PRR12: variants seen among roughly 807,000 people sequenced by gnomAD.
PRR12 encodes proline-rich protein 12.
PRR12 carries 12 observed loss-of-function variants against 138.0 expected under a neutral mutation model. That is an observed-to-expected ratio of 0.09 (90% CI 0.06 to 0.14). The LOEUF (loss-of-function observed/expected upper bound fraction) is 0.14, where lower values mean the gene tolerates loss of function less well. PRR12 is among the 10% of genes least tolerant of loss of function. PRR12 has a pLI of 1.00. For missense variants in PRR12, 2,692 were observed against 2,861.3 expected (o/e 0.94, Z 1.35); for synonymous variants, 1,567 against 1,291.7 (o/e 1.21, Z -4.57).
At position 49,614,702 on chromosome 19, in the gene PRR12, G is replaced by A; in HGVS notation, c.4890+53G>A. 3 of 1,505,030 alleles carry A rather than the reference G, an allele frequency of 2.0e-6. No homozygotes were observed. Among genetic ancestry groups the A allele is most frequent in the South Asian group, 1.2e-5 (1 of 81,802 alleles). 93.2% of individuals were successfully genotyped at this position (1,505,030 alleles called of 1,614,324 possible). A position where few individuals can be genotyped will look rare whatever the true frequency, so the allele number is the denominator to read the frequency against. The stretch of plus-strand genomic sequence containing the variant: ...TGGGGGCCCCGGGGCGTGGTATCTA[G>A]GAGCTGGGGTTCCCCTTAGTGTGGC... On this transcript the variant is annotated intron_variant, in intron 7 of 13. Transcript: ENST00000418929. The surrounding 1 kb of genome is among the most constrained non-coding windows in gnomAD (Gnocchi z 5.0).
Position 49,625,060 on chromosome 19 carries a change from C to T in PRR12, c.5869-45C>T, listed in dbSNP as rs769807464. The T allele has an allele frequency of 5.0e-6, 8 of 1,612,060 alleles. No homozygotes were observed. In the South Asian group the frequency reaches 8.8e-5, roughly 18 times the overall value. On this transcript the variant is annotated intron_variant, in intron 12 of 13. Coordinates refer to ENST00000418929, the MANE Select transcript of PRR12 (RefSeq NM_020719.3). The surrounding 1 kb of genome is among the most constrained non-coding windows in gnomAD (Gnocchi z 5.5). ...TGTGGGAAGGGAGGAGAGGGGCTGCCAAGTGCCGGGCTGGAGGGGCTGAGG... is the reference window on the plus strand; with the variant it reads ...TGTGGGAAGGGAGGAGAGGGGCTGCTAAGTGCCGGGCTGGAGGGGCTGAGG...
At chr19:49,609,159 C>G (rs951653782) in intron 6 of PRR12, among the ~76,000 whole-genome samples, 2 of 152,072 alleles carry the variant, frequency 1.3e-5, no homozygotes, top group African/African-American at 4.8e-5. Flanking sequence ...ACTAAAAATA[C>G]AAAAAATTAG....
intron 1 of PRR12, among the ~76,000 whole-genome samples, chr19:49,592,972 T>TG (rs946424506): frequency 3.6e-4 from 44 of 122,768 alleles, no homozygotes; most frequent in East Asian, 1.3e-3. Flanking sequence ...GAACGGGGGC[T>TG]GGGGGGGGTT....
intron 1 of PRR12, 35 bp from the exon 2 acceptor site, chr19:49,593,292 G>T: frequency 9.2e-7 from 1 of 1,092,324 alleles, no homozygotes; most frequent in East Asian, 2.6e-5. Flanking sequence ...AAGGCAGCTT[G>T]GAAGAACCCC....
rs73058002 is a variant in PRR12 at position 49,594,170 on chromosome 19, G to A, written c.200-284G>A. Among the ~76,000 whole-genome samples the A allele has an allele frequency of 0.023, 3,554 of 152,044 alleles. 70 individuals carry two copies. Among genetic ancestry groups the A allele is most frequent in the Non-Finnish European group, 0.035 (2,408 of 67,986 alleles). ...CTGTTCTTTTGCTCCTGGCTCTTTC[G>A]CTTCTAGATTTTTCTACACTTTTGT... is the stretch of plus-strand genomic sequence containing the variant. On this transcript the variant is annotated intron_variant, in intron 2 of 13. Transcript: ENST00000418929. The surrounding 1 kb of genome is among the most constrained non-coding windows in gnomAD (Gnocchi z 5.6).
chr19:49,625,392 T>C lies in PRR12; in HGVS notation c.5965-69T>C. 6.7e-7 allele frequency: 1 copy of C among 1,491,750 alleles called. No homozygotes were observed. The highest frequency in any genetic ancestry group is 9.0e-7 in the Non-Finnish European group (1 of 1,108,736). 92.4% of individuals were successfully genotyped at this position (1,491,750 alleles called of 1,614,324 possible). A position where few individuals can be genotyped will look rare whatever the true frequency, so the allele number is the denominator to read the frequency against. On this transcript the variant is annotated intron_variant, in intron 13 of 13. Transcript: ENST00000418929. This position sits in a 1 kb window ranked among gnomAD's most constrained non-coding sequence, Gnocchi z 5.5. The stretch of plus-strand genomic sequence containing the variant: ...CTGACATCTGACACCCCAGGCCCCA[T>C]GCCCCAGCCCCTTCCCTCCCCAGAG...
chr19:49,593,290 T>G, intron 1 of PRR12, 37 bp from the exon 2 acceptor site: 1 of 1,062,730 alleles, frequency 9.4e-7, no homozygotes, highest in East Asian at 2.7e-5. Flanking sequence ...AGAAGGCAGC[T>G]TGGAAGAACC....
intron 6 of PRR12, among the ~76,000 whole-genome samples, chr19:49,613,183 C>G (rs1877146709): frequency 6.6e-6 from 1 of 151,558 alleles, no homozygotes; most frequent in African/African-American, 2.4e-5. Flanking sequence ...ACTAAAAATA[C>G]AAAAATTAGC....
rs750347143 is a variant in PRR12 at position 49,594,888 on chromosome 19, C to T, written c.553C>T (p.Pro185Ser). The stretch of plus-strand genomic sequence containing the variant: ...CCCTCCAGCTAACGGGCTCCTGTCC[C>T]CTCATGACGTGCTGCACCTGAAGCC... ...FSPPANGLLS[P>S]HDVLHLKPSQ... The change falls in exon 4 of 14, where the codon CCT becomes TCT. Residue 185 changes from proline to serine, a missense_variant. Around this residue, in one of 11 missense-constraint regions of PRR12, gnomAD observed 211 missense variants for 266.3 expected, o/e 0.79. Transcript: ENST00000418929. The surrounding 1 kb of genome is among the most constrained non-coding windows in gnomAD (Gnocchi z 5.6). 9 of 1,610,920 alleles carry T rather than the reference C, an allele frequency of 5.6e-6. No individual in the cohort carries two copies. The highest frequency in any genetic ancestry group is 5.3e-5 in the African/African-American group (4 of 74,854).
chr19:49,622,920 T>TAG (rs1441353920), intron 11 of PRR12, among the ~76,000 whole-genome samples: 3 of 85,292 alleles, frequency 3.5e-5, no homozygotes, highest in Admixed American at 1.1e-4. Context: ...TATATATATA[T>TAG]ATATATATAG....
rs370637615 is a variant in PRR12 at position 49,625,120 on chromosome 19, C to T, written c.5884C>T (p.Leu1962=). Residue 1962 remains leucine, a synonymous_variant, in exon 13 of 14, where the codon CTG becomes TTG. Coordinates refer to ENST00000418929, the MANE Select transcript of PRR12 (RefSeq NM_020719.3). The surrounding 1 kb of genome is among the most constrained non-coding windows in gnomAD (Gnocchi z 5.5). ...VVRAQEFKVE[L]EKSGYYTLYH... is the part of the protein sequence containing the mutation. ...TCCTACCCAGGAGTTCAAGGTTGAG[C>T]TGGAAAAGTCGGGATACTATACACT... 1.9e-5 allele frequency: 31 copies of T among 1,613,568 alleles called. No individual in the cohort carries two copies. Among genetic ancestry groups the T allele is most frequent in the Admixed American group, 3.3e-5 (2 of 59,974 alleles).
intron 1 of PRR12, among the ~76,000 whole-genome samples, chr19:49,592,508 C>T (rs2080735390): frequency 6.6e-6 from 1 of 152,040 alleles, no homozygotes; most frequent in Non-Finnish European, 1.5e-5. Flanking sequence ...GTGAATCTGC[C>T]CCTTTCCTGT....
rs2080956263 is a variant in PRR12 at position 49,626,387 on chromosome 19, A to G, written c.*780A>G. On this transcript the variant is annotated 3_prime_UTR_variant, in exon 14 of 14. Transcript: ENST00000418929. ...TGGGCTTCTGTACAACTCAACTTGT[A>G]TACACTGTGTACACACAACCAGCCA... The G allele has an allele frequency of 6.6e-6, 1 of 152,132 alleles. No homozygotes were observed. Among genetic ancestry groups the G allele is most frequent in the African/African-American group, 2.4e-5 (1 of 41,346 alleles). 9.4% of individuals were successfully genotyped at this position (152,132 alleles called of 1,614,324 possible). A position where few individuals can be genotyped will look rare whatever the true frequency, so the allele number is the denominator to read the frequency against.
In PRR12 at chr19:49,620,263, C is replaced by G. The variant is rs184830766; in HGVS notation, c.5498-89C>G. ...CCTCCCAAAAGCAGGGATTTCTCTT[C>G]CGGTCCCCAGTGTTGAGAACAGTGT... On this transcript the variant is annotated intron_variant, in intron 9 of 13. Transcript: ENST00000418929. The G allele has an allele frequency of 3.2e-6, 5 of 1,541,648 alleles. No homozygotes were observed. The African/African-American group carries it at 5.4e-5, about 17-fold the overall frequency.
rs764474134 is a variant in PRR12 at position 49,595,793 on chromosome 19, CCCT to C, written c.1465_1467del (p.Pro489del). On this transcript the variant is annotated inframe_deletion, in exon 4 of 14. Coordinates refer to ENST00000418929, the MANE Select transcript of PRR12 (RefSeq NM_020719.3). ...GCCCCCCACAGCCCCCCAGCGGCCCCCCTCCTCCTGGCCTGGCCACATGTCAGA... is the reference window on the plus strand; with the variant it reads ...GCCCCCCACAGCCCCCCAGCGGCCCCCCTCCTGGCCTGGCCACATGTCAGA... The C allele has an allele frequency of 2.5e-6, 4 of 1,598,676 alleles. No individual in the cohort carries two copies. Among genetic ancestry groups the C allele is most frequent in the Non-Finnish European group, 3.4e-6 (4 of 1,174,492 alleles).
Position 49,596,501 on chromosome 19 carries a change from G to C in PRR12, c.2166G>C (p.Leu722=), listed in dbSNP as rs980654778. The change falls in exon 4 of 14, where the codon CTG becomes CTC. Residue 722 remains leucine, a synonymous_variant. Transcript: ENST00000418929. This position sits in a 1 kb window ranked among gnomAD's most constrained non-coding sequence, Gnocchi z 5.6. ...EGATAALELG[L]GRLKEKKKGP... is the part of the protein sequence containing the mutation. ...CCACTGCGGCACTGGAGCTGGGCCT[G>C]GGGAGGCTGAAGGAGAAGAAGAAAG... 2.5e-6 allele frequency: 4 copies of C among 1,610,056 alleles called. No individual in the cohort carries two copies. The African/African-American group carries it at 4.0e-5, about 16-fold the overall frequency.
At chr19:49,593,248 A>ACC in intron 1 of PRR12, 79 bp from the exon 2 acceptor site, 1 of 490,210 alleles carries the variant, frequency 2.0e-6, no homozygotes. Flanking sequence ...GGTCCCCCCA[A>ACC]CTCCCCGGGG....
Position 49,595,896 on chromosome 19 carries a change from TC to T in PRR12, c.1564del (p.Gln522ArgfsTer69). 1 of 1,602,974 alleles carries T rather than the reference TC, an allele frequency of 6.2e-7. No individual in the cohort carries two copies. On this transcript the variant is annotated frameshift_variant, in exon 4 of 14. Transcript: ENST00000418929. LOFTEE classifies it high-confidence loss of function. ...GCCATACCCAGGGCCAGCCGCCCAC[TC>T]CCAGGGGCTGCCCACAGCCAGCCCC... ...GEPYPGPAAH[S>X]QGLPTASPSL...
In PRR12 at chr19:49,591,451, C is replaced by G. The variant is rs559279893; in HGVS notation, c.-204C>G. Reference sequence around the variant, plus strand: ...TTGGCTCAGCGACTGCACCCCCTCCCTTGCCCGCCCCTCCGCCCCTGCCCC... The same window carrying G: ...TTGGCTCAGCGACTGCACCCCCTCCGTTGCCCGCCCCTCCGCCCCTGCCCC... On this transcript the variant is annotated 5_prime_UTR_variant, in exon 1 of 14. Coordinates refer to ENST00000418929, the MANE Select transcript of PRR12 (RefSeq NM_020719.3). 1.2e-3 allele frequency among the ~76,000 whole-genome samples: 183 copies of G among 148,724 alleles called. 1 individual carries two copies. Among genetic ancestry groups the G allele is most frequent in the African/African-American group, 4.3e-3 (174 of 40,456 alleles).
Sources: gnomAD v4.1 joint callset for allele counts (sites outside exome capture counted in the v4.1 genomes callset) on GRCh38, gnomAD v4.1.1 for gene constraint, gnomAD v4.1.1 regional missense constraint, Gnocchi (gnomAD v3.1) non-coding constraint, MANE v1.5 for transcripts, NCBI Gene and HGNC (gene_info 2026-07-23, HGNC 2026-07-21) for gene names.